Variants in IL1RAPL2 observed in about 807,000 individuals in gnomAD.
IL1RAPL2 encodes interleukin 1 receptor accessory protein like 2, also known as X-linked interleukin-1 receptor accessory protein-like 2.
Under a neutral mutation model 44.1 loss-of-function variants are expected in IL1RAPL2, and 3 were observed. The observed-to-expected ratio is 0.07, with a 90% confidence interval of 0.03 to 0.18. IL1RAPL2 has a LOEUF of 0.18. Among genes scored for constraint, IL1RAPL2 ranks in the 10% least tolerant of loss-of-function variants. IL1RAPL2 has a pLI of 1.00. For missense variants in IL1RAPL2, 391 were observed against 496.4 expected, an observed-to-expected ratio of 0.79 and a Z score of 2.02; for synonymous variants, 181 against 178.8, an observed-to-expected ratio of 1.01 and a Z score of -0.10.
chrX:105,600,261 C>T (rs916819702), intron 6 of IL1RAPL2, among the ~76,000 whole-genome samples: 2 of 110,649 alleles, frequency 1.8e-5, no homozygotes, highest in Non-Finnish European at 3.8e-5. Flanking sequence ...ATACACAGTG[C>T]TTCAGTGAAC....
At chrX:104,920,347 C>T (rs1003246548) in intron 2 of IL1RAPL2, among the ~76,000 whole-genome samples, 2 of 110,221 alleles carry the variant, frequency 1.8e-5, no homozygotes, top group African/African-American at 3.3e-5. Context: ...TCAGGCTGTG[C>T]TTTTTTTAAT....
intron 2 of IL1RAPL2, among the ~76,000 whole-genome samples, chrX:104,976,245 T>A (rs2030332593): frequency 9.0e-6 from 1 of 111,381 alleles, no homozygotes; most frequent in Non-Finnish European, 1.9e-5. Flanking sequence ...TCCTCTGGGA[T>A]GCTCATCATT....
intron 2 of IL1RAPL2, among the ~76,000 whole-genome samples, chrX:104,669,569 G>A (rs1930553462): frequency 9.0e-6 from 1 of 111,715 alleles, no homozygotes; most frequent in South Asian, 3.7e-4. Context: ...CACCCAGGGA[G>A]CTTTTAAACC....
chrX:104,989,272 A>G (rs1459116707), intron 2 of IL1RAPL2, among the ~76,000 whole-genome samples: 1 of 111,242 alleles, frequency 9.0e-6, no homozygotes, highest in Non-Finnish European at 1.9e-5. Flanking sequence ...TTTTCCCTAC[A>G]ATGAGCCATC....
chrX:105,761,300 A>G (rs2038686666), intron 10 of IL1RAPL2, among the ~76,000 whole-genome samples: 2 of 109,825 alleles, frequency 1.8e-5, no homozygotes, highest in Admixed American at 9.7e-5. Context: ...TCTCCATGGC[A>G]AACAACAGAC....
chrX:104,930,869 G>GA (rs1209257904), intron 2 of IL1RAPL2, among the ~76,000 whole-genome samples: 1 of 111,302 alleles, frequency 9.0e-6, no homozygotes, highest in African/African-American at 3.3e-5. Flanking sequence ...GAGGCTTAGA[G>GA]AAAATAAACA....
intron 2 of IL1RAPL2, among the ~76,000 whole-genome samples, chrX:104,836,961 T>C (rs1921759499): frequency 9.0e-6 from 1 of 111,167 alleles, no homozygotes; most frequent in Admixed American, 9.7e-5. Context: ...TAATTGTTCA[T>C]CTGCCACTTA....
At chrX:105,059,536 T>C (rs2032044645) in intron 2 of IL1RAPL2, among the ~76,000 whole-genome samples, 1 of 112,243 alleles carries the variant, frequency 8.9e-6, no homozygotes, top group South Asian at 3.7e-4. Flanking sequence ...TTCTTTTTTT[T>C]CTTTCTTTTT....
chrX:105,282,564 G>T (rs764336675), intron 5 of IL1RAPL2, among the ~76,000 whole-genome samples: 24 of 111,337 alleles, frequency 2.2e-4, no homozygotes, highest in South Asian at 3.8e-4. Flanking sequence ...ACATTGCCTT[G>T]ATCCTCTCTG....
At chrX:105,655,042 C>T (rs2037668436) in intron 6 of IL1RAPL2, among the ~76,000 whole-genome samples, 1 of 112,413 alleles carries the variant, frequency 8.9e-6, no homozygotes, top group Non-Finnish European at 1.9e-5. Flanking sequence ...GGAAAATCCT[C>T]TTGTGGTTCT....
chrX:104,937,920 T>C (rs1221153468), intron 2 of IL1RAPL2, among the ~76,000 whole-genome samples: 1 of 112,519 alleles, frequency 8.9e-6, no homozygotes, highest in Non-Finnish European at 1.9e-5. Flanking sequence ...ATGAATGTAG[T>C]TGGCAAGCAT....
At chrX:104,587,976 T>A (rs1928594227) in intron 1 of IL1RAPL2, among the ~76,000 whole-genome samples, 1 of 111,806 alleles carries the variant, frequency 8.9e-6, no homozygotes, top group South Asian at 3.7e-4. Flanking sequence ...TTTGTTTTAG[T>A]GGAAAAATGT....
intron 2 of IL1RAPL2, among the ~76,000 whole-genome samples, chrX:104,946,157 G>A (rs1242527348): frequency 9.6e-6 from 1 of 104,319 alleles, no homozygotes; most frequent in African/African-American, 3.5e-5. Context: ...TGGATCATGA[G>A]GTCAGGAGAT....
At chrX:104,601,563 C>T (rs1928884303) in intron 1 of IL1RAPL2, among the ~76,000 whole-genome samples, 1 of 111,850 alleles carries the variant, frequency 8.9e-6, no homozygotes, top group Non-Finnish European at 1.9e-5. Flanking sequence ...TGGCAGTTCT[C>T]TTTTAACTTC....
intron 2 of IL1RAPL2, among the ~76,000 whole-genome samples, chrX:104,806,645 A>C (rs977829671): frequency 1.8e-5 from 2 of 112,868 alleles, no homozygotes; most frequent in African/African-American, 6.4e-5. Flanking sequence ...GTGGTACAAC[A>C]CTTGCCATGG....
At chrX:105,233,696 G>A in intron 3 of IL1RAPL2, 122 bp from the exon 4 acceptor site, 2 of 551,699 alleles carry the variant, frequency 3.6e-6, no homozygotes, top group Non-Finnish European at 5.9e-6. Context: ...TTGCTTTGAT[G>A]TTTTTTTCTG....
chrX:104,819,054 T>C (rs769412793), intron 2 of IL1RAPL2, among the ~76,000 whole-genome samples: 3 of 112,201 alleles, frequency 2.7e-5, no homozygotes, highest in Non-Finnish European at 5.6e-5. Context: ...ACAGAGCCAA[T>C]AGCCTTCATG....
At chrX:105,093,695 C>A (rs1290548818) in intron 2 of IL1RAPL2, among the ~76,000 whole-genome samples, 1 of 111,594 alleles carries the variant, frequency 9.0e-6, no homozygotes, top group Non-Finnish European at 1.9e-5. Flanking sequence ...TATTTGTTAT[C>A]TTTTAGATGG....
At chrX:105,180,038 G>A (rs1223699703) in intron 2 of IL1RAPL2, among the ~76,000 whole-genome samples, 10 of 110,148 alleles carry the variant, frequency 9.1e-5, no homozygotes, top group African/African-American at 2.7e-4. Context: ...AACAGAAGTG[G>A]TGAAAGTGGG....
Sources: gnomAD v4.1 joint callset for allele counts (sites outside exome capture counted in the v4.1 genomes callset) on GRCh38, gnomAD v4.1.1 for gene constraint, MANE v1.5 for transcripts, NCBI Gene and HGNC (gene_info 2026-07-23, HGNC 2026-07-21) for gene names.